COL8A1: variants seen among roughly 807,000 people sequenced by gnomAD.
COL8A1 encodes the protein collagen alpha-1(VIII) chain.
Under a neutral mutation model 42.7 loss-of-function variants are expected in COL8A1, and 21 were observed. That is an observed-to-expected ratio of 0.49 (90% CI 0.35 to 0.71). The LOEUF is 0.71. Ranked by LOEUF, COL8A1 falls within the 30% of genes least tolerant of loss-of-function variation. The pLI is 0.01. For missense variants in COL8A1, 788 were observed against 962.4 expected (o/e 0.82, Z 2.40); for synonymous variants, 367 against 369.1 (o/e 0.99, Z 0.06).
In COL8A1 at chr3:99,692,495, C is replaced by T. The variant is rs906133730; in HGVS notation, c.-128-52402C>T. 7.4e-4 allele frequency among the ~76,000 whole-genome samples: 112 copies of T among 152,286 alleles called. 1 individual carries two copies. The highest frequency in any genetic ancestry group is 2.5e-3 in the African/African-American group (105 of 41,556). On this transcript the variant is annotated intron_variant, in intron 1 of 3. Coordinates refer to ENST00000652472, the MANE Select transcript of COL8A1 (RefSeq NM_020351.4). ...CCCACTCCTTTTTTCATTCTTGTCA[C>T]TGACAGTGACCAAGAAAAAAGGCAA...
intron 2 of COL8A1, among the ~76,000 whole-genome samples, chr3:99,752,074 T>C (rs1158549392): frequency 6.6e-6 from 1 of 152,154 alleles, no homozygotes; most frequent in Non-Finnish European, 1.5e-5. Flanking sequence ...ATTAAGAATA[T>C]ACTCCTCATC....
chr3:99,669,279 C>A (rs1342235109), intron 1 of COL8A1, among the ~76,000 whole-genome samples: 2 of 151,230 alleles, frequency 1.3e-5, no homozygotes, highest in African/African-American at 4.9e-5. Context: ...AGCACAGGGG[C>A]AGTAGAATCA....
intron 1 of COL8A1, among the ~76,000 whole-genome samples, chr3:99,739,557 C>T (rs530139623): frequency 6.6e-6 from 1 of 152,326 alleles, no homozygotes; most frequent in African/African-American, 2.4e-5. Flanking sequence ...TTCTTGACTG[C>T]TGTGTACCCA....
At position 99,744,999 on chromosome 3, in the gene COL8A1, C is replaced by T. The variant is rs573651408; in HGVS notation, c.-26C>T. The T allele has an allele frequency of 6.6e-6, 1 of 152,284 alleles. No homozygotes were observed. The highest frequency in any genetic ancestry group is 6.5e-5 in the Admixed American group (1 of 15,282). 9.4% of individuals were successfully genotyped at this position (152,284 alleles called of 1,614,324 possible). A position where few individuals can be genotyped will look rare whatever the true frequency, so the allele number is the denominator to read the frequency against. On this transcript the variant is annotated 5_prime_UTR_variant, in exon 2 of 4. Transcript: ENST00000652472. ...AAGGACATTGGTCTTTGATTTGATTCAGCAGTCCTGTCAAGTATAAATGTA... is the reference window on the plus strand; with the variant it reads ...AAGGACATTGGTCTTTGATTTGATTTAGCAGTCCTGTCAAGTATAAATGTA...
intron 1 of COL8A1, chr3:99,679,740 G>A (rs1162614826): frequency 6.6e-6 from 1 of 152,122 alleles, no homozygotes; most frequent in Non-Finnish European, 1.5e-5. Context: ...TTTGGAAATT[G>A]GTTTATATTT....
At chr3:99,767,510 G>T (rs897663803) in intron 2 of COL8A1, among the ~76,000 whole-genome samples, 1 of 152,148 alleles carries the variant, frequency 6.6e-6, no homozygotes, top group African/African-American at 2.4e-5. Context: ...GGTAACAGCT[G>T]GTGGACCCAA....
At chr3:99,651,420 G>A (rs1418185508) in intron 1 of COL8A1, among the ~76,000 whole-genome samples, 1 of 152,142 alleles carries the variant, frequency 6.6e-6, no homozygotes, top group Non-Finnish European at 1.5e-5. Context: ...GAGCATTTTT[G>A]TCTCTATTTC....
At chr3:99,706,006 G>A (rs1302790209) in intron 1 of COL8A1, among the ~76,000 whole-genome samples, 3 of 152,064 alleles carry the variant, frequency 2.0e-5, no homozygotes, top group African/African-American at 7.2e-5. Flanking sequence ...TTTAGAAAAA[G>A]ATCCAAGTCG....
chr3:99,685,716 T>C (rs1009995785), intron 1 of COL8A1, among the ~76,000 whole-genome samples: 2 of 152,192 alleles, frequency 1.3e-5, no homozygotes, highest in African/African-American at 4.8e-5. Context: ...TAAAAGCCTA[T>C]GGCCAAATCA....
At chr3:99,682,823 AAAT>A (rs1253121301) in intron 1 of COL8A1, among the ~76,000 whole-genome samples, 2 of 151,456 alleles carry the variant, frequency 1.3e-5, no homozygotes, top group Non-Finnish European at 2.9e-5. Context: ...AAAATCAGAA[AAAT>A]AATAACAACC....
intron 2 of COL8A1, among the ~76,000 whole-genome samples, chr3:99,780,398 G>A (rs938719242): frequency 3.9e-5 from 6 of 152,158 alleles, no homozygotes; most frequent in Admixed American, 3.9e-4. Context: ...ACTCATTCAT[G>A]CCCCTCGCTA....
chr3:99,688,226 G>A (rs181919051), intron 1 of COL8A1, among the ~76,000 whole-genome samples: 2 of 152,158 alleles, frequency 1.3e-5, no homozygotes, highest in Admixed American at 1.3e-4. Flanking sequence ...TAGTGTCATC[G>A]AACAACACAA....
chr3:99,734,560 G>A (rs1940638632), intron 1 of COL8A1, among the ~76,000 whole-genome samples: 2 of 151,992 alleles, frequency 1.3e-5, no homozygotes, highest in Admixed American at 1.3e-4. Flanking sequence ...TAGCCTTGTA[G>A]TATAGTTTGA....
chr3:99,641,870 T>C (rs891701045), intron 1 of COL8A1, among the ~76,000 whole-genome samples: 8 of 152,074 alleles, frequency 5.3e-5, no homozygotes, highest in African/African-American at 1.9e-4. Context: ...CTGGTCTAAC[T>C]ATTGAGTGAA....
At chr3:99,770,186 T>G (rs943876815) in intron 2 of COL8A1, among the ~76,000 whole-genome samples, 1 of 152,134 alleles carries the variant, frequency 6.6e-6, no homozygotes, top group East Asian at 1.9e-4. Context: ...TCGTGGCCCC[T>G]GGGTATAGGG....
intron 2 of COL8A1, among the ~76,000 whole-genome samples, chr3:99,764,390 A>G (rs1038054549): frequency 8.5e-5 from 13 of 152,222 alleles, no homozygotes; most frequent in Admixed American, 7.9e-4. Context: ...ATAAATTTCA[A>G]ATTCAATTAT....
intron 2 of COL8A1, among the ~76,000 whole-genome samples, chr3:99,781,348 T>G (rs1043344329): frequency 2.0e-5 from 3 of 152,182 alleles, no homozygotes; most frequent in African/African-American, 7.2e-5. Context: ...AAAACATTGA[T>G]TAATTATTTT....
intron 1 of COL8A1, among the ~76,000 whole-genome samples, chr3:99,717,114 A>AT (rs1940021654): frequency 6.6e-6 from 1 of 152,008 alleles, no homozygotes. Context: ...CTTGCCACTG[A>AT]TAAGTTAAGT....
intron 2 of COL8A1, among the ~76,000 whole-genome samples, chr3:99,773,813 G>A (rs1335312109): frequency 2.4e-5 from 1 of 41,070 alleles, no homozygotes; most frequent in East Asian, 9.6e-4. Flanking sequence ...ATATATATGT[G>A]TGTATATATA....
Sources: allele counts gnomAD v4.1 joint callset (sites outside exome capture counted in the v4.1 genomes callset), GRCh38; gene constraint gnomAD v4.1.1; transcripts MANE v1.5; gene names NCBI Gene and HGNC (gene_info 2026-07-23, HGNC 2026-07-21).